ASXL2: variants seen among roughly 807,000 people sequenced by gnomAD.
The protein encoded by ASXL2 is putative Polycomb group protein ASXL2.
Under a neutral mutation model 122.0 loss-of-function variants are expected in ASXL2, and 23 were observed. That is an observed-to-expected ratio of 0.19 (90% CI 0.14 to 0.27). The LOEUF (loss-of-function observed/expected upper bound fraction) is 0.27. Ranked by LOEUF, ASXL2 falls within the 10% of genes least tolerant of loss-of-function variation. The probability of loss-of-function intolerance (pLI) is 1.00; values close to 1 mark genes in which losing one functional copy is unlikely to be tolerated. For synonymous variants in ASXL2, 650 were observed against 637.0 expected, an observed-to-expected ratio of 1.02 and a Z score of -0.31; for missense variants, 1,518 against 1,713.8, an observed-to-expected ratio of 0.89 and a Z score of 2.02.
intron 3 of ASXL2, among the ~76,000 whole-genome samples, chr2:25,821,590 A>C (rs1011772242): frequency 2.0e-5 from 3 of 152,162 alleles, no homozygotes; most frequent in Non-Finnish European, 2.9e-5. Context: ...ATGGTGAACC[A>C]CCGTTGAAAC....
intron 7 of ASXL2, 138 bp from the exon 8 acceptor site, chr2:25,767,864 A>C: frequency 1.0e-6 from 1 of 993,382 alleles, no homozygotes; most frequent in Non-Finnish European, 1.5e-6. Context: ...GAGTTTGAAA[A>C]TTAAAGTCAA....
intron 1 of ASXL2, among the ~76,000 whole-genome samples, chr2:25,864,690 G>T (rs1331551246): frequency 1.3e-5 from 2 of 151,784 alleles, no homozygotes; most frequent in Non-Finnish European, 2.9e-5. Flanking sequence ...ATTCTCAGGG[G>T]TCACACTGTA....
chr2:25,789,027 C>T (rs2088790707), intron 5 of ASXL2, among the ~76,000 whole-genome samples: 1 of 151,958 alleles, frequency 6.6e-6, no homozygotes, highest in Non-Finnish European at 1.5e-5. Flanking sequence ...TCTGATTGAT[C>T]TCATCTTCAT....
At position 25,754,508 on chromosome 2, in the gene ASXL2, A is replaced by G. The variant is rs75752991; in HGVS notation, c.1037-869T>C. On this transcript the variant is annotated intron_variant, in intron 10 of 12. Transcript: ENST00000435504. ...CGTGGGCAAAGGATTGGGAAAAGAG[A>G]GATTTGGCTGTCAGAATCCAACCCA... 3.5e-3 allele frequency among the ~76,000 whole-genome samples: 538 copies of G among 152,274 alleles called. 7 individuals carry two copies. Among genetic ancestry groups the G allele is most frequent in the African/African-American group, 0.012 (519 of 41,552 alleles).
At chr2:25,830,718 CAT>C (rs2149186374) in intron 3 of ASXL2, 1 of 150,640 alleles carries the variant, frequency 6.6e-6, no homozygotes, top group South Asian at 2.1e-4. Flanking sequence ...TTGAAACAAA[CAT>C]ATAGAAAATA....
chr2:25,876,636 G>C (rs2090011954), intron 1 of ASXL2, among the ~76,000 whole-genome samples: 1 of 152,138 alleles, frequency 6.6e-6, no homozygotes, highest in Admixed American at 6.6e-5. Flanking sequence ...ACAGAAAGAG[G>C]TCTTGAGGTA....
chr2:25,824,140 A>T (rs2089347336), intron 3 of ASXL2, among the ~76,000 whole-genome samples: 1 of 149,934 alleles, frequency 6.7e-6, no homozygotes, highest in African/African-American at 2.5e-5. Context: ...TAATAATTTG[A>T]AACTATGTTT....
chr2:25,797,818 T>C (rs186860518), intron 5 of ASXL2, among the ~76,000 whole-genome samples: 54 of 152,346 alleles, frequency 3.5e-4, no homozygotes, highest in African/African-American at 1.2e-3. Flanking sequence ...GTCACTTTGG[T>C]AGACTGGAAG....
chr2:25,816,250 A>AG (rs1267668127), intron 3 of ASXL2, among the ~76,000 whole-genome samples: 3 of 152,150 alleles, frequency 2.0e-5, no homozygotes, highest in African/African-American at 4.8e-5. Context: ...AAAAAAAAAA[A>AG]AAGTTAATAT....
At chr2:25,757,292 G>C (rs975552540) in intron 9 of ASXL2, among the ~76,000 whole-genome samples, 1 of 151,710 alleles carries the variant, frequency 6.6e-6, no homozygotes, top group Non-Finnish European at 1.5e-5. Flanking sequence ...TCAGATTACT[G>C]TGGGCTCCAA....
Position 25,744,306 on chromosome 2 carries a change from G to GGCAGCGGCA in ASXL2, c.2022_2030dup (p.Ala682_Ala684dup). 1 of 1,611,116 alleles carries GGCAGCGGCA rather than the reference G, an allele frequency of 6.2e-7. No homozygotes were observed. The highest frequency in any genetic ancestry group is 8.5e-7 in the Non-Finnish European group (1 of 1,179,074). ...CTGAGGCGGCTGCAGCAGCTGCGGC[G>GGCAGCGGCA]GCAGCGGCAGCTGCTGCCCTCTGTG... On this transcript the variant is annotated inframe_insertion, in exon 13 of 13. Coordinates refer to ENST00000435504, the MANE Select transcript of ASXL2 (RefSeq NM_018263.6). This position sits in a 1 kb window ranked among gnomAD's most constrained non-coding sequence, Gnocchi z 4.7.
intron 1 of ASXL2, among the ~76,000 whole-genome samples, chr2:25,871,038 G>A (rs890059348): frequency 6.6e-6 from 1 of 152,046 alleles, no homozygotes; most frequent in Non-Finnish European, 1.5e-5. Context: ...GCAAGTAACA[G>A]TTTTTAAATC....
chr2:25,827,232 AC>A (rs1243858176), intron 3 of ASXL2, among the ~76,000 whole-genome samples: 27 of 152,284 alleles, frequency 1.8e-4, no homozygotes, highest in Admixed American at 3.3e-4. Flanking sequence ...CTGTAAACAC[AC>A]ACCCACAATC....
Position 25,767,670 on chromosome 2 carries a change from A to G in ASXL2, c.688T>C (p.Ser230Pro). The G allele has an allele frequency of 5.6e-6, 9 of 1,613,940 alleles. No homozygotes were observed. Among genetic ancestry groups the G allele is most frequent in the Non-Finnish European group, 7.6e-6 (9 of 1,179,846 alleles). The change falls in exon 8 of 13, where the codon TCC (serine) becomes CCC (proline). Residue 230 changes from serine (S) to proline (P), a missense_variant. This residue lies in a region of ASXL2 where 198 missense variants were observed against 209.0 expected (regional missense o/e 0.95). Transcript: ENST00000435504. The stretch of plus-strand genomic sequence containing the variant: ...ACTTTAACTGAGGAAGAAAAGCTGG[A>G]GTTTGAGTTTTGAGGGCTGCCTGTC... ...GQTGSPQNSN[S>P]SFSSSVKVEN...
At chr2:25,818,758 AGT>A (rs2089271656) in intron 3 of ASXL2, among the ~76,000 whole-genome samples, 1 of 152,212 alleles carries the variant, frequency 6.6e-6, no homozygotes, top group African/African-American at 2.4e-5. Flanking sequence ...ATGCGGCAAC[AGT>A]GATAGGAAGT....
chr2:25,806,476 A>C (rs1163627889), intron 3 of ASXL2, 139 bp from the exon 4 acceptor site: 1 of 523,318 alleles, frequency 1.9e-6, no homozygotes, highest in Non-Finnish European at 3.3e-6. Context: ...TAAGAAGTCT[A>C]CCAATATAGA....
chr2:25,748,508 A>C (rs573552829), intron 12 of ASXL2, among the ~76,000 whole-genome samples: 1 of 152,268 alleles, frequency 6.6e-6, no homozygotes, highest in East Asian at 1.9e-4. Flanking sequence ...TCCGTTAAAA[A>C]AAAAAAAAAT....
intron 5 of ASXL2, among the ~76,000 whole-genome samples, chr2:25,783,703 TG>T (rs1466616608): frequency 6.6e-6 from 1 of 151,558 alleles, no homozygotes; most frequent in Non-Finnish European, 1.5e-5. Flanking sequence ...CCAAAGCGGG[TG>T]GGATCACTTG....
At chr2:25,873,479 T>G (rs1167052809) in intron 1 of ASXL2, among the ~76,000 whole-genome samples, 2 of 152,056 alleles carry the variant, frequency 1.3e-5, no homozygotes, top group Non-Finnish European at 1.5e-5. Flanking sequence ...TAATAGAAAT[T>G]TTCTATCTTC....
Sources: allele counts gnomAD v4.1 joint callset (sites outside exome capture counted in the v4.1 genomes callset), GRCh38; gene constraint gnomAD v4.1.1; regional missense constraint gnomAD v4.1.1; non-coding constraint Gnocchi (gnomAD v3.1); transcripts MANE v1.5; gene names NCBI Gene and HGNC (gene_info 2026-07-23, HGNC 2026-07-21).